Variants in TTC21A observed in about 807,000 individuals in gnomAD.
TTC21A encodes tetratricopeptide repeat domain 21A.
TTC21A carries 128 observed loss-of-function variants against 156.4 expected under a neutral mutation model. The ratio of observed to expected loss-of-function variants is 0.82; its 90% CI spans 0.71 to 0.95. The LOEUF (loss-of-function observed/expected upper bound fraction) is 0.95, where lower values mean the gene tolerates loss of function less well. Among genes scored for constraint, TTC21A ranks in the 40% least tolerant of loss-of-function variants. The pLI, the probability that TTC21A is intolerant of heterozygous loss-of-function variation, is 0.00. For synonymous variants in TTC21A, 587 were observed against 617.1 expected (o/e 0.95, Z 0.72); for missense variants, 1,435 against 1,602.3 (o/e 0.90, Z 1.78).
At chr3:39,128,635 G>A in intron 13 of TTC21A, 82 bp from the exon 14 acceptor site, 1 of 1,567,488 alleles carries the variant, frequency 6.4e-7, no homozygotes, top group Non-Finnish European at 8.7e-7. Flanking sequence ...GGGCTCCTGA[G>A]GCTTTCTCTG....
intron 12 of TTC21A, among the ~76,000 whole-genome samples, chr3:39,127,874 C>G (rs1386999114): frequency 6.6e-6 from 1 of 152,228 alleles, no homozygotes; most frequent in Non-Finnish European, 1.5e-5. Context: ...AACAATAGCA[C>G]CAACCTTGCA....
At chr3:39,138,029 G>A (rs2039264993) in intron 26 of TTC21A, among the ~76,000 whole-genome samples, 1 of 152,184 alleles carries the variant, frequency 6.6e-6, no homozygotes. Context: ...AATGGGAGTG[G>A]CGGAACAGGA....
chr3:39,133,359 A>G (rs2038879680), intron 20 of TTC21A, 119 bp downstream of exon 20: 1 of 1,046,368 alleles, frequency 9.6e-7, no homozygotes, highest in Non-Finnish European at 1.4e-6. Context: ...AGTCACAGAT[A>G]TGATGGGCAT....
intron 9 of TTC21A, among the ~76,000 whole-genome samples, chr3:39,123,424 G>A (rs784513): frequency 0.54 from 82,621 of 151,934 alleles, 25,491 homozygotes; most frequent in East Asian, 0.72. Context: ...GCACTGACTG[G>A]GATAAGCAAA....
chr3:39,137,114 C>A (rs554525579), intron 24 of TTC21A, 54 bp downstream of exon 24: 1 of 1,602,382 alleles, frequency 6.2e-7, no homozygotes, highest in Non-Finnish European at 8.5e-7. Flanking sequence ...AGAAAGCCTG[C>A]AACCTCTGGG....
At chr3:39,119,733 G>T in intron 7 of TTC21A, 189 bp from the exon 8 acceptor site, 1 of 518,538 alleles carries the variant, frequency 1.9e-6, no homozygotes, top group South Asian at 3.0e-5. Context: ...CCACTTATAG[G>T]CCTTTGAAGT....
At chr3:39,128,153 A>C (rs763136124) in intron 12 of TTC21A, among the ~76,000 whole-genome samples, 178 bp from the exon 13 acceptor site, 1 of 152,228 alleles carries the variant, frequency 6.6e-6, no homozygotes, top group Non-Finnish European at 1.5e-5. Flanking sequence ...CAAGGAAACA[A>C]CTGTGTAGTC....
Position 39,134,311 on chromosome 3 carries a change from C to G in TTC21A, c.2845C>G (p.His949Asp). The change falls in exon 21 of 29, where the codon CAT becomes GAT. Residue 949 changes from histidine (H) to aspartate (D), a missense_variant. His to Asp is a moderately conservative substitution (Grantham distance 81). Coordinates refer to ENST00000683103, the MANE Select transcript of TTC21A (RefSeq NM_001366900.1). This position sits in a 1 kb window ranked among gnomAD's most constrained non-coding sequence, Gnocchi z 4.6. ...CATCCTCCTGCAGACTGAGCAGAAC[C>G]ATGAGACCGCTTCTGTGGTAGGAAG... is the stretch of plus-strand genomic sequence containing the variant. ...CAILLQTEQN[H>D]ETASVLMADL... 1.2e-6 allele frequency: 2 copies of G among 1,613,366 alleles called. No homozygotes were observed. Among genetic ancestry groups the G allele is most frequent in the Non-Finnish European group, 1.7e-6 (2 of 1,179,328 alleles).
At chr3:39,124,658 C>CAAA (rs60845030) in intron 9 of TTC21A, among the ~76,000 whole-genome samples, 9 of 71,040 alleles carry the variant, frequency 1.3e-4, no homozygotes, top group Admixed American at 2.2e-4. Flanking sequence ...AACTCCGTCT[C>CAAA]AAAAAAAAAA....
At chr3:39,120,229 C>T (rs2037652816) in intron 8 of TTC21A, among the ~76,000 whole-genome samples, 2 of 152,132 alleles carry the variant, frequency 1.3e-5, no homozygotes, top group Admixed American at 1.3e-4. Context: ...AGCCTAGGTG[C>T]CCCCTCAGAG....
chr3:39,108,408 C>A (rs912788035), intron 1 of TTC21A: 1 of 156,120 alleles, frequency 6.4e-6, no homozygotes, highest in Non-Finnish European at 1.4e-5. Context: ...GTCCCTGCTG[C>A]CACCACGGCA....
chr3:39,118,105 C>T lies in TTC21A; in HGVS notation c.753C>T (p.Cys251=), dbSNP rs942506835. ...LEKDESNIDA[C]QILTVHELAR... ...AAGATGAGAGCAATATTGATGCCTG[C>T]CAAATTCTAACCGTGCATGAGCTTG... Residue 251 remains cysteine, a synonymous_variant, in exon 7 of 29, where the codon TGC becomes TGT. Coordinates refer to ENST00000683103, the MANE Select transcript of TTC21A (RefSeq NM_001366900.1). 1 of 1,614,022 alleles carries T rather than the reference C, an allele frequency of 6.2e-7. No individual in the cohort carries two copies. Among genetic ancestry groups the T allele is most frequent in the Non-Finnish European group, 8.5e-7 (1 of 1,180,002 alleles).
Position 39,125,062 on chromosome 3 carries a change from G to T in TTC21A, c.1094-1G>T. On this transcript the variant is annotated splice_acceptor_variant, in intron 9 of 28. Transcript: ENST00000683103. LOFTEE classifies it high-confidence loss of function. ...TCATCATTGTTTTGTCCCATTTACA[G>T]GGATCATCTTGTGTCATATCTTAGA... 1 of 1,605,906 alleles carries T rather than the reference G, an allele frequency of 6.2e-7. No individual in the cohort carries two copies. The highest frequency in any genetic ancestry group is 1.1e-5 in the South Asian group (1 of 90,890).
chr3:39,123,337 C>T (rs2037931596), intron 9 of TTC21A, among the ~76,000 whole-genome samples: 1 of 152,134 alleles, frequency 6.6e-6, no homozygotes. Flanking sequence ...GAATAGCTTG[C>T]TTCAAACAGA....
intron 1 of TTC21A, chr3:39,108,098 AATCACTATCATT>A (rs1280016073): frequency 3.1e-5 from 18 of 588,810 alleles, no homozygotes; most frequent in Non-Finnish European, 4.8e-5. Flanking sequence ...CAGCTCATCC[AATCACTATCATT>A]ATCCCTTCTT....
intron 26 of TTC21A, 48 bp from the exon 27 acceptor site, chr3:39,138,219 C>T (rs1370801194): frequency 1.9e-6 from 3 of 1,611,482 alleles, no homozygotes; most frequent in Admixed American, 1.7e-5. Context: ...CCCAGGGAAC[C>T]AGTTGGGGCT....
intron 23 of TTC21A, 152 bp from the exon 24 acceptor site, chr3:39,136,747 A>C (rs784494): frequency 0.88 from 945,037 of 1,072,026 alleles, 416,818 homozygotes; most frequent in Admixed American, 0.94. Context: ...CATCCAACAC[A>C]CAGGTCCGAC....
intron 9 of TTC21A, among the ~76,000 whole-genome samples, chr3:39,122,417 G>C (rs907207853): frequency 6.6e-6 from 1 of 152,112 alleles, no homozygotes; most frequent in African/African-American, 2.4e-5. Context: ...TCAAATACAT[G>C]GGAATTCGAA....
chr3:39,125,194 G>A (rs778362361), intron 10 of TTC21A, 34 bp downstream of exon 10: 1 of 1,569,414 alleles, frequency 6.4e-7, no homozygotes, highest in African/African-American at 1.4e-5. Flanking sequence ...GTTGCTCCAG[G>A]ATGATGTCCT....
Sources: gnomAD v4.1 joint callset for allele counts (sites outside exome capture counted in the v4.1 genomes callset) on GRCh38, gnomAD v4.1.1 for gene constraint, Gnocchi (gnomAD v3.1) non-coding constraint, MANE v1.5 for transcripts, NCBI Gene and HGNC (gene_info 2026-07-23, HGNC 2026-07-21) for gene names.